Variants in PLA2G4C observed in about 807,000 individuals in gnomAD.
PLA2G4C encodes phospholipase A2 group IVC.
A neutral mutation model predicts 73.8 loss-of-function variants in PLA2G4C; 64 were observed. That is an observed-to-expected ratio of 0.87 (90% CI 0.71 to 1.07). PLA2G4C has a LOEUF of 1.07. Among genes scored for constraint, PLA2G4C ranks in the 50% least tolerant of loss-of-function variants. PLA2G4C has a pLI of 0.00. For missense variants in PLA2G4C, 622 were observed against 665.4 expected (o/e 0.93, Z 0.72); for synonymous variants, 254 against 252.1 (o/e 1.01, Z -0.07).
chr19:48,067,931 A>G, intron 12 of PLA2G4C, 45 bp from the exon 13 acceptor site: 3 of 1,351,630 alleles, frequency 2.2e-6, no homozygotes, highest in Non-Finnish European at 3.2e-6. Flanking sequence ...CAGGAGACTG[A>G]GTGGTTTCTG....
chr19:48,053,091 T>G lies in PLA2G4C; in HGVS notation c.1486A>C (p.Thr496Pro). ...YDTFKLADTY[T>P]LDVVVLLLAL... Reference sequence around the variant, plus strand: ...AAGAGTAGCACCACCACATCTAGAGTGTAGGTGTCAGCAAGCTTGAATGTG... The same window carrying G: ...AAGAGTAGCACCACCACATCTAGAGGGTAGGTGTCAGCAAGCTTGAATGTG... The change falls in exon 16 of 17, where the codon ACT becomes CCT. Residue 496 changes from threonine (T) to proline (P), a missense_variant. Coordinates refer to ENST00000599921, the MANE Select transcript of PLA2G4C (RefSeq NM_003706.3). 1 of 1,612,120 alleles carries G rather than the reference T, an allele frequency of 6.2e-7. No individual in the cohort carries two copies. The highest frequency in any genetic ancestry group is 8.5e-7 in the Non-Finnish European group (1 of 1,178,512).
intron 4 of PLA2G4C, 176 bp from the exon 5 acceptor site, chr19:48,100,036 A>T (rs1407188671): frequency 2.0e-6 from 1 of 499,682 alleles, no homozygotes; most frequent in African/African-American, 2.0e-5. Context: ...ATCAAGTTCG[A>T]AGGAGGACTC....
In PLA2G4C at chr19:48,067,869, T is replaced by C; in HGVS notation, c.1024A>G (p.Met342Val). The C allele has an allele frequency of 6.2e-7, 1 of 1,613,346 alleles. No homozygotes were observed. The highest frequency in any genetic ancestry group is 1.1e-5 in the South Asian group (1 of 91,068). Reference protein sequence around the residue: ...PERKGSLSNLMDFVKKTGICA... With the variant: ...PERKGSLSNLVDFVKKTGICA... ...ATGCCTGTTTTCTTCACAAAATCCATCAAGTTACTGAGTGAGCCTAGGGAA... is the reference window on the plus strand; with the variant it reads ...ATGCCTGTTTTCTTCACAAAATCCACCAAGTTACTGAGTGAGCCTAGGGAA... The change falls in exon 13 of 17, where the codon ATG becomes GTG. Residue 342 changes from methionine to valine, a missense_variant. Met to Val is a conservative substitution (Grantham distance 21). Coordinates refer to ENST00000599921, the MANE Select transcript of PLA2G4C (RefSeq NM_003706.3).
chr19:48,090,633 C>G, intron 7 of PLA2G4C: 1 of 554,462 alleles, frequency 1.8e-6, no homozygotes, highest in Non-Finnish European at 3.2e-6. Flanking sequence ...CAGATAAAGT[C>G]CTTGTCCTCA....
intron 9 of PLA2G4C, among the ~76,000 whole-genome samples, chr19:48,088,081 A>C (rs2031088171): frequency 6.6e-6 from 1 of 152,168 alleles, no homozygotes; most frequent in Admixed American, 6.6e-5. Flanking sequence ...TCCCCTACAG[A>C]CCTGAAGCCT....
At chr19:48,092,113 G>A (rs534253206) in intron 7 of PLA2G4C, among the ~76,000 whole-genome samples, 10 of 149,142 alleles carry the variant, frequency 6.7e-5, no homozygotes, top group Non-Finnish European at 8.8e-5. Flanking sequence ...GCAATGGCGC[G>A]ATCTCCGCTC....
Position 48,068,303 on chromosome 19 carries a change from CAAA to C in PLA2G4C, c.1007-420_1007-418del, listed in dbSNP as rs71181639. Reference sequence around the variant, plus strand: ...CTGATGACGGAGCGAGACTCCATCTCAAAAAAAAAAAAAAAAAAAAAAGTGGGG... The same window carrying C: ...CTGATGACGGAGCGAGACTCCATCTCAAAAAAAAAAAAAAAAAAAGTGGGG... On this transcript the variant is annotated intron_variant, in intron 12 of 16. Transcript: ENST00000599921. 1.9e-3 allele frequency among the ~76,000 whole-genome samples: 147 copies of C among 76,050 alleles called. 1 individual carries two copies. Among genetic ancestry groups the C allele is most frequent in the East Asian group, 0.013 (35 of 2,638 alleles). 49.9% of individuals were successfully genotyped at this position (76,050 alleles called of 152,430 possible). A position where few individuals can be genotyped will look rare whatever the true frequency, so the allele number is the denominator to read the frequency against.
Position 48,067,889 on chromosome 19 carries a change from A to T in PLA2G4C, c.1007-3T>A. On this transcript the variant is annotated splice_polypyrimidine_tract_variant and splice_region_variant and intron_variant, in intron 12 of 16. Transcript: ENST00000599921. ...ATCCATCAAGTTACTGAGTGAGCCTAGGGAAAGAAGCCGAGACAGCCAAGG... is the reference window on the plus strand; with the variant it reads ...ATCCATCAAGTTACTGAGTGAGCCTTGGGAAAGAAGCCGAGACAGCCAAGG... 1 of 1,609,254 alleles carries T rather than the reference A, an allele frequency of 6.2e-7. No individual in the cohort carries two copies.
At chr19:48,083,143 C>A (rs2030716172) in intron 10 of PLA2G4C, among the ~76,000 whole-genome samples, 1 of 151,974 alleles carries the variant, frequency 6.6e-6, no homozygotes, top group Non-Finnish European at 1.5e-5. Flanking sequence ...CAATACAAGA[C>A]ATAATAAAAA....
In PLA2G4C at chr19:48,110,564, C is replaced by CCGGTGCGGAGGCTTGGGCTCCG; in HGVS notation, c.-111_-110insCGGAGCCCAAGCCTCCGCACCG. 4 of 403,516 alleles carry CCGGTGCGGAGGCTTGGGCTCCG rather than the reference C, an allele frequency of 9.9e-6. No individual in the cohort carries two copies. Among genetic ancestry groups the CCGGTGCGGAGGCTTGGGCTCCG allele is most frequent in the Non-Finnish European group, 9.5e-6 (3 of 314,366 alleles). 25.0% of individuals were successfully genotyped at this position (403,516 alleles called of 1,614,324 possible). ...AATCCGGTGCGGAGGCTTGGGCTCC[C>CCGGTGCGGAGGCTTGGGCTCCG]TGCGCTTAGCGGTGTAGTCGCTGGA... On this transcript the variant is annotated 5_prime_UTR_variant, in exon 1 of 17. Transcript: ENST00000599921.
chr19:48,105,849 T>TCCCTCCCTC (rs1213312267), intron 2 of PLA2G4C, among the ~76,000 whole-genome samples: 1 of 65,030 alleles, frequency 1.5e-5, no homozygotes, highest in African/African-American at 6.6e-5. Flanking sequence ...CTTCCTTCCA[T>TCCCTCCCTC]CCTTCCTTCC....
intron 13 of PLA2G4C, among the ~76,000 whole-genome samples, chr19:48,064,360 C>T (rs940395394): frequency 4.0e-5 from 6 of 148,640 alleles, no homozygotes; most frequent in African/African-American, 1.2e-4. Flanking sequence ...ACCCGGGAGG[C>T]GGAGGTTGCA....
intron 11 of PLA2G4C, among the ~76,000 whole-genome samples, chr19:48,075,757 C>A (rs2030106941): frequency 6.6e-6 from 1 of 152,160 alleles, no homozygotes; most frequent in Non-Finnish European, 1.5e-5. Context: ...TCTCTTAATA[C>A]CATCACCTTG....
At chr19:48,077,037 C>A (rs1342105337) in intron 11 of PLA2G4C, among the ~76,000 whole-genome samples, 1 of 152,208 alleles carries the variant, frequency 6.6e-6, no homozygotes, top group Non-Finnish European at 1.5e-5. Flanking sequence ...TGGGTCAAGT[C>A]TGATTCCTTC....
In PLA2G4C at chr19:48,099,627, T is replaced by C. The variant is rs760910290; in HGVS notation, c.447+44A>G. 8.2e-6 allele frequency: 12 copies of C among 1,466,658 alleles called. No individual in the cohort carries two copies. In the East Asian group the frequency reaches 2.3e-4, roughly 28 times the overall value. 90.9% of individuals were successfully genotyped at this position (1,466,658 alleles called of 1,614,324 possible). On this transcript the variant is annotated intron_variant, in intron 5 of 16. Coordinates refer to ENST00000599921, the MANE Select transcript of PLA2G4C (RefSeq NM_003706.3). ...TGGTAACCCCACACCCTGAGACCCC[T>C]TGCTCCTACCCCCACCCCAGGTCCC...
rs1237342144 is a variant in PLA2G4C, at chr19:48,047,868, T to C, written c.*475A>G. 6.0e-6 allele frequency: 1 copy of C among 166,100 alleles called. No homozygotes were observed. Among genetic ancestry groups the C allele is most frequent in the African/African-American group, 2.4e-5 (1 of 41,564 alleles). The allele number at this position is 166,100 out of a possible 1,614,324, so 10.3% of individuals were successfully genotyped here. Reference sequence around the variant, plus strand: ...TAATCCATCAGTCAATCAGCAAGCATTTATTGAGCACTTGTTGTATTCTCA... The same window carrying C: ...TAATCCATCAGTCAATCAGCAAGCACTTATTGAGCACTTGTTGTATTCTCA... On this transcript the variant is annotated 3_prime_UTR_variant, in exon 17 of 17. Transcript: ENST00000599921.
Position 48,053,073 on chromosome 19 carries a change from G to T in PLA2G4C, c.1504C>A (p.Leu502Ile). 1.2e-6 allele frequency: 2 copies of T among 1,612,774 alleles called. No homozygotes were observed. The highest frequency in any genetic ancestry group is 1.7e-6 in the Non-Finnish European group (2 of 1,178,914). ...ADTYTLDVVV[L>I]LLALAKKNVR... ...TTCTTCTTGGCTAATGCCAAGAGTA[G>T]CACCACCACATCTAGAGTGTAGGTG... Residue 502 changes from leucine to isoleucine, a missense_variant, in exon 16 of 17, where the codon CTA (leucine) becomes ATA (isoleucine). By Grantham distance (5) the Leu-to-Ile change is conservative. Transcript: ENST00000599921.
chr19:48,104,635 G>T lies in PLA2G4C; in HGVS notation c.210C>A (p.Gly70=). 1.2e-6 allele frequency: 2 copies of T among 1,614,042 alleles called. No individual in the cohort carries two copies. The highest frequency in any genetic ancestry group is 1.3e-5 in the African/African-American group (1 of 75,028). Residue 70 remains glycine, a synonymous_variant, in exon 4 of 17, where the codon GGC becomes GGA. Coordinates refer to ENST00000599921, the MANE Select transcript of PLA2G4C (RefSeq NM_003706.3). Reference sequence around the variant, plus strand: ...CGAGGTACGTGACGGCATCCAACAGGCCCTGTTCTTTCATCTCACTCAGGA... The same window carrying T: ...CGAGGTACGTGACGGCATCCAACAGTCCCTGTTCTTTCATCTCACTCAGGA... ...LGVLSEMKEQ[G]LLDAVTYLAG... is the part of the protein sequence containing the mutation.
intron 8 of PLA2G4C, 81 bp from the exon 9 acceptor site, chr19:48,088,793 G>T: frequency 2.9e-6 from 3 of 1,050,146 alleles, no homozygotes; most frequent in South Asian, 1.3e-5. Context: ...CAGATGACCT[G>T]CAGGGATATT....
Sources: allele counts gnomAD v4.1 joint callset (sites outside exome capture counted in the v4.1 genomes callset), GRCh38; gene constraint gnomAD v4.1.1; transcripts MANE v1.5; gene names NCBI Gene and HGNC (gene_info 2026-07-23, HGNC 2026-07-21).